KIAA1217: variants seen among roughly 807,000 people sequenced by gnomAD.
KIAA1217 encodes the protein sickle tail protein homolog.
In KIAA1217, 88 loss-of-function variants were observed where a neutral mutation model predicts 163.9. That is an observed-to-expected ratio of 0.54 (90% CI 0.45 to 0.64). KIAA1217 has a LOEUF of 0.64. KIAA1217 is among the 30% of genes least tolerant of loss of function. KIAA1217 has a pLI of 0.00. For synonymous variants in KIAA1217, 903 were observed against 923.1 expected (o/e 0.98, Z 0.39); for missense variants, 2,372 against 2,475.0 (o/e 0.96, Z 0.88).
chr10:24,353,996 A>G (rs1383565278), intron 2 of KIAA1217, among the ~76,000 whole-genome samples: 1 of 152,148 alleles, frequency 6.6e-6, no homozygotes, highest in Non-Finnish European at 1.5e-5. Context: ...GGGTTTTCTG[A>G]TGGTTTCTCC....
chr10:23,870,106 G>C (rs1179599214), intron 1 of KIAA1217, among the ~76,000 whole-genome samples: 1 of 152,096 alleles, frequency 6.6e-6, no homozygotes, highest in Non-Finnish European at 1.5e-5. Flanking sequence ...AAGTAACAAT[G>C]TAGCTATCTA....
At chr10:23,765,846 G>A (rs564729622) in intron 1 of KIAA1217, among the ~76,000 whole-genome samples, 2 of 152,302 alleles carry the variant, frequency 1.3e-5, no homozygotes, top group Non-Finnish European at 2.9e-5. Flanking sequence ...CCCAGTCTCA[G>A]AGAGTTCTTT....
At chr10:24,062,631 T>A (rs1170025933) in intron 2 of KIAA1217, among the ~76,000 whole-genome samples, 1 of 151,988 alleles carries the variant, frequency 6.6e-6, no homozygotes, top group African/African-American at 2.4e-5. Context: ...CAGCATGATT[T>A]ATAAGCCTTT....
chr10:23,811,705 G>A (rs1837063073), intron 1 of KIAA1217, among the ~76,000 whole-genome samples: 1 of 152,020 alleles, frequency 6.6e-6, no homozygotes, highest in African/African-American at 2.4e-5. Flanking sequence ...GGCAGTGGGA[G>A]ACTGGAACAT....
intron 9 of KIAA1217, among the ~76,000 whole-genome samples, chr10:24,510,052 T>C (rs2068888161): frequency 6.6e-6 from 1 of 152,170 alleles, no homozygotes; most frequent in Non-Finnish European, 1.5e-5. Context: ...GTGTCAACTG[T>C]ATATGTTGGG....
chr10:24,191,711 G>T (rs1186141382), intron 2 of KIAA1217, among the ~76,000 whole-genome samples: 2 of 152,164 alleles, frequency 1.3e-5, no homozygotes, highest in African/African-American at 4.8e-5. Flanking sequence ...CATGGTTGAG[G>T]CATGTGTAAC....
chr10:23,982,827 G>A (rs143936540), intron 1 of KIAA1217, among the ~76,000 whole-genome samples: 4,722 of 151,994 alleles, frequency 0.031, 99 homozygotes, highest in African/African-American at 0.06. Flanking sequence ...GCCTCCCAAC[G>A]TGCTAGGATT....
chr10:24,316,150 C>T (rs1030539398), intron 2 of KIAA1217, among the ~76,000 whole-genome samples: 1 of 152,186 alleles, frequency 6.6e-6, no homozygotes, highest in Non-Finnish European at 1.5e-5. Context: ...CGCTCACCTG[C>T]TTCAGGTGCT....
intron 2 of KIAA1217, among the ~76,000 whole-genome samples, chr10:24,151,807 C>T (rs1196110306): frequency 6.6e-6 from 1 of 151,962 alleles, no homozygotes; most frequent in African/African-American, 2.4e-5. Context: ...AACCAATCCT[C>T]TCATTTTACA....
chr10:23,718,670 GA>G (rs1422863733), intron 1 of KIAA1217, among the ~76,000 whole-genome samples: 19 of 151,822 alleles, frequency 1.3e-4, no homozygotes, highest in African/African-American at 4.6e-4. Flanking sequence ...TCTGTTTAGT[GA>G]AAAAACATAA....
chr10:23,767,262 G>T (rs141455181), intron 1 of KIAA1217, among the ~76,000 whole-genome samples: 1 of 152,340 alleles, frequency 6.6e-6, no homozygotes, highest in East Asian at 1.9e-4. Flanking sequence ...TGCTCTGAAA[G>T]CTCTGGGGTA....
chr10:23,774,188 A>C (rs958672652), intron 1 of KIAA1217, among the ~76,000 whole-genome samples: 1 of 152,232 alleles, frequency 6.6e-6, no homozygotes, highest in African/African-American at 2.4e-5. Flanking sequence ...TATTTAAAAA[A>C]GGAAATGAAC....
intron 1 of KIAA1217, among the ~76,000 whole-genome samples, chr10:23,881,831 G>T (rs1840961600): frequency 6.6e-6 from 1 of 151,730 alleles, no homozygotes; most frequent in Non-Finnish European, 1.5e-5. Flanking sequence ...ATGTGCAGCT[G>T]CCCCATCCCC....
intron 1 of KIAA1217, among the ~76,000 whole-genome samples, chr10:23,714,380 G>A (rs561325980): frequency 2.6e-5 from 4 of 152,218 alleles, no homozygotes; most frequent in East Asian, 3.9e-4. Context: ...TAGAACAGGG[G>A]AGGAAGAGAA....
intron 5 of KIAA1217, among the ~76,000 whole-genome samples, chr10:24,461,056 A>T (rs1257223053): frequency 6.6e-6 from 1 of 152,172 alleles, no homozygotes; most frequent in East Asian, 1.9e-4. Flanking sequence ...ATGGTTTCCA[A>T]GTTGACATCT....
intron 2 of KIAA1217, among the ~76,000 whole-genome samples, chr10:24,017,088 C>G (rs538905508): frequency 7.0e-6 from 1 of 141,998 alleles, no homozygotes; most frequent in East Asian, 2.1e-4. Flanking sequence ...AGGTCTCACT[C>G]TATCACCCAG....
intron 2 of KIAA1217, among the ~76,000 whole-genome samples, chr10:24,155,226 G>T (rs1589702565): frequency 6.6e-6 from 1 of 152,058 alleles, no homozygotes; most frequent in Non-Finnish European, 1.5e-5. Flanking sequence ...TCCTTTCCTA[G>T]TCTTCCTTTT....
chr10:24,488,670 T>C (rs1250372539), intron 6 of KIAA1217, among the ~76,000 whole-genome samples: 2 of 152,250 alleles, frequency 1.3e-5, no homozygotes, highest in African/African-American at 4.8e-5. Context: ...TTACCACAAA[T>C]TCAGACAATT....
At position 24,224,824 on chromosome 10, in the gene KIAA1217, C is replaced by CTTTT. The variant is rs1286749568; in HGVS notation, c.354+4932_354+4935dup. On this transcript the variant is annotated intron_variant, in intron 2 of 20. Coordinates refer to ENST00000376454, the MANE Select transcript of KIAA1217 (RefSeq NM_019590.5). ...TAAATTAGTACTTAAAATCATTTGA[C>CTTTT]TTTTTTTTTTTTTTTTTTTTGAGAT... is the stretch of plus-strand genomic sequence containing the variant. Among the ~76,000 whole-genome samples, 11 of 121,024 alleles carry CTTTT rather than the reference C, an allele frequency of 9.1e-5. 1 individual carries two copies. Among genetic ancestry groups the CTTTT allele is most frequent in the African/African-American group, 2.6e-4 (8 of 30,948 alleles). The allele number at this position is 121,024 out of a possible 152,430, so 79.4% of individuals were successfully genotyped here.
Sources: gnomAD v4.1 joint callset for allele counts (sites outside exome capture counted in the v4.1 genomes callset) on GRCh38, gnomAD v4.1.1 for gene constraint, MANE v1.5 for transcripts, NCBI Gene and HGNC (gene_info 2026-07-23, HGNC 2026-07-21) for gene names.